Variants in KCNIP4 observed in about 807,000 individuals in gnomAD.
KCNIP4 encodes the protein potassium voltage-gated channel interacting protein 4.
A neutral mutation model predicts 34.0 loss-of-function variants in KCNIP4; 12 were observed. The observed-to-expected ratio is 0.35, with a 90% CI of 0.23 to 0.57. The LOEUF (loss-of-function observed/expected upper bound fraction) is 0.57, where lower values mean the gene tolerates loss of function less well. Ranked by LOEUF, KCNIP4 falls within the 20% of genes least tolerant of loss-of-function variation. The pLI, the probability that KCNIP4 is intolerant of heterozygous loss-of-function variation, is 0.83. For synonymous variants in KCNIP4, 124 were observed against 102.2 expected (o/e 1.21, Z -1.29); for missense variants, 238 against 311.7 (o/e 0.76, Z 1.78).
At chr4:21,686,788 T>C (rs1248007247) in intron 1 of KCNIP4, among the ~76,000 whole-genome samples, 1 of 152,074 alleles carries the variant, frequency 6.6e-6, no homozygotes, top group Non-Finnish European at 1.5e-5. Context: ...AGTGATTAGG[T>C]CAAATGGTAT....
chr4:21,624,484 T>C (rs1180149756), intron 1 of KCNIP4, among the ~76,000 whole-genome samples: 4 of 152,170 alleles, frequency 2.6e-5, no homozygotes, highest in Non-Finnish European at 2.9e-5. Context: ...AATTATATGA[T>C]TCATATTGAT....
chr4:20,756,178 A>AAG (rs1264838073), intron 4 of KCNIP4, among the ~76,000 whole-genome samples: 6 of 152,126 alleles, frequency 3.9e-5, no homozygotes, highest in Admixed American at 6.5e-5. Context: ...GTAGTAAAAA[A>AAG]AAAAAAAGTG....
rs1553923853 is a variant in KCNIP4, at chr4:21,714,785, G to GATGTATTT, written c.61+233785_61+233786insAAATACAT. ...AAGAATGTGTTAGTAATTTCCCTTT[G>GATGTATTT]ATTATTTTATTTTATTTTATTTTAT... On this transcript the variant is annotated intron_variant, in intron 1 of 8. Transcript: ENST00000382152. Among the ~76,000 whole-genome samples, 3 of 43,388 alleles carry GATGTATTT rather than the reference G, an allele frequency of 6.9e-5. No homozygotes were observed. In the Admixed American group the frequency reaches 1.0e-3, roughly 15 times the overall value. 28.5% of individuals were successfully genotyped at this position (43,388 alleles called of 152,430 possible).
intron 1 of KCNIP4, among the ~76,000 whole-genome samples, chr4:21,708,877 T>G (rs76664668): frequency 0.017 from 2,645 of 152,312 alleles, 73 homozygotes; most frequent in African/African-American, 0.052. Flanking sequence ...CAATATTTTA[T>G]AGATTAGCCA....
At chr4:20,759,043 A>G (rs1464981273) in intron 3 of KCNIP4, among the ~76,000 whole-genome samples, 153 bp from the exon 4 acceptor site, 1 of 152,190 alleles carries the variant, frequency 6.6e-6, no homozygotes, top group Non-Finnish European at 1.5e-5. Flanking sequence ...AGCACACTAT[A>G]AACTTATGTT....
At chr4:21,464,640 T>C (rs544441239) in intron 1 of KCNIP4, 2 of 152,182 alleles carry the variant, frequency 1.3e-5, no homozygotes, top group East Asian at 3.9e-4. Context: ...CATATGTACT[T>C]GAAAAGAGTA....
chr4:20,739,847 A>G (rs1750625654), intron 5 of KCNIP4, among the ~76,000 whole-genome samples: 2 of 152,210 alleles, frequency 1.3e-5, no homozygotes, highest in Admixed American at 1.3e-4. Flanking sequence ...AAACCTTGAG[A>G]AAAGATTAGA....
At chr4:21,078,197 T>C (rs1745671475) in intron 1 of KCNIP4, among the ~76,000 whole-genome samples, 1 of 152,032 alleles carries the variant, frequency 6.6e-6, no homozygotes, top group African/African-American at 2.4e-5. Context: ...CAAGAGTGAC[T>C]GGAAAGAGTC....
At chr4:21,641,758 A>G (rs1306932826) in intron 1 of KCNIP4, among the ~76,000 whole-genome samples, 4 of 152,186 alleles carry the variant, frequency 2.6e-5, no homozygotes, top group Non-Finnish European at 5.9e-5. Flanking sequence ...TGCCCAATGT[A>G]TTCATAAGCA....
chr4:21,493,106 T>G (rs943216444), intron 1 of KCNIP4, among the ~76,000 whole-genome samples: 3 of 150,916 alleles, frequency 2.0e-5, no homozygotes, highest in Non-Finnish European at 4.5e-5. Context: ...GGAATCCAAA[T>G]GCTGGCTCTC....
At chr4:21,081,004 T>C (rs753492109) in intron 1 of KCNIP4, among the ~76,000 whole-genome samples, 13 of 151,896 alleles carry the variant, frequency 8.6e-5, no homozygotes, top group Non-Finnish European at 1.8e-4. Context: ...ACTCTAGATG[T>C]TCAACTTTAA....
intron 1 of KCNIP4, chr4:21,845,957 T>C (rs1723988683): frequency 6.7e-6 from 1 of 150,016 alleles, no homozygotes; most frequent in Non-Finnish European, 1.5e-5. Context: ...CCCTAGTGCT[T>C]ATACGTGATT....
intron 1 of KCNIP4, among the ~76,000 whole-genome samples, chr4:21,231,336 T>C (rs1758774859): frequency 6.6e-6 from 1 of 152,232 alleles, no homozygotes; most frequent in Admixed American, 6.6e-5. Flanking sequence ...TTAAAACTTT[T>C]ACATTCTTTG....
chr4:21,106,950 G>A (rs200652453), intron 1 of KCNIP4, among the ~76,000 whole-genome samples: 63,554 of 149,992 alleles, frequency 0.42, 13,978 homozygotes, highest in African/African-American at 0.49. Flanking sequence ...TGATTGCACT[G>A]TGGTCTGAGA....
chr4:21,696,020 CAAAA>C (rs1017105154), intron 1 of KCNIP4, among the ~76,000 whole-genome samples: 1 of 152,008 alleles, frequency 6.6e-6, no homozygotes, highest in Non-Finnish European at 1.5e-5. Flanking sequence ...TCCGAGTTGG[CAAAA>C]GTCAGATACA....
intron 1 of KCNIP4, among the ~76,000 whole-genome samples, chr4:21,815,760 G>C (rs1721952496): frequency 6.6e-6 from 1 of 152,040 alleles, no homozygotes; most frequent in African/African-American, 2.4e-5. Context: ...TTTTAAATGA[G>C]AAACTGAGTT....
intron 1 of KCNIP4, among the ~76,000 whole-genome samples, chr4:21,135,307 T>C (rs1350378849): frequency 6.6e-6 from 1 of 152,196 alleles, no homozygotes; most frequent in Non-Finnish European, 1.5e-5. Context: ...GTAAGACTTA[T>C]TAAATGACTT....
At chr4:21,827,546 A>T (rs943584677) in intron 1 of KCNIP4, among the ~76,000 whole-genome samples, 1 of 152,042 alleles carries the variant, frequency 6.6e-6, no homozygotes, top group African/African-American at 2.4e-5. Flanking sequence ...TCAAGCATCA[A>T]AGTTTGGTTA....
intron 3 of KCNIP4, among the ~76,000 whole-genome samples, chr4:20,778,015 A>G (rs1463206253): frequency 6.6e-6 from 1 of 152,226 alleles, no homozygotes; most frequent in Non-Finnish European, 1.5e-5. Context: ...AAGTAGACAG[A>G]GAGGTACAAG....
Sources: gnomAD v4.1 joint callset for allele counts (sites outside exome capture counted in the v4.1 genomes callset) on GRCh38, gnomAD v4.1.1 for gene constraint, MANE v1.5 for transcripts, NCBI Gene and HGNC (gene_info 2026-07-23, HGNC 2026-07-21) for gene names.